Variants in MEOX2 observed in about 807,000 individuals in gnomAD.
MEOX2 encodes the protein mesenchyme homeobox 2.
A neutral mutation model predicts 27.0 loss-of-function variants in MEOX2; 11 were observed. The observed-to-expected ratio is 0.41, with a 90% confidence interval of 0.26 to 0.68. The LOEUF (loss-of-function observed/expected upper bound fraction) is 0.68, where lower values mean the gene tolerates loss of function less well. MEOX2 is among the 30% of genes least tolerant of loss of function. The pLI is 0.33. For synonymous variants in MEOX2, 189 were observed against 155.4 expected, an observed-to-expected ratio of 1.22 and a Z score of -1.61; for missense variants, 436 against 385.4, an observed-to-expected ratio of 1.13 and a Z score of -1.10.
intron 1 of MEOX2, among the ~76,000 whole-genome samples, chr7:15,645,495 C>T (rs1261862547): frequency 6.6e-6 from 1 of 152,080 alleles, no homozygotes; most frequent in Admixed American, 6.6e-5. Context: ...TTCGCCATGA[C>T]TGCAATAATA....
intron 1 of MEOX2, among the ~76,000 whole-genome samples, chr7:15,664,426 G>A (rs1244229785): frequency 6.6e-6 from 1 of 151,854 alleles, no homozygotes; most frequent in African/African-American, 2.4e-5. Flanking sequence ...TTTTGATTGA[G>A]GTAAACAACA....
At chr7:15,635,600 G>C (rs1006533433) in intron 1 of MEOX2, among the ~76,000 whole-genome samples, 1 of 151,918 alleles carries the variant, frequency 6.6e-6, no homozygotes, top group Admixed American at 6.6e-5. Flanking sequence ...TATTAGGAGA[G>C]GACTGTGGTC....
In MEOX2 at chr7:15,612,622, G is replaced by A; in HGVS notation, c.691-11C>T. ...GAACCAGACTTTCACCTTCAACCAA[G>A]AAAGGGAACAAACAAACAGAAAAAA... On this transcript the variant is annotated splice_polypyrimidine_tract_variant and intron_variant, in intron 2 of 2. Coordinates refer to ENST00000262041, the MANE Select transcript of MEOX2 (RefSeq NM_005924.5). 1 of 1,608,868 alleles carries A rather than the reference G, an allele frequency of 6.2e-7. No homozygotes were observed. Among genetic ancestry groups the A allele is most frequent in the Non-Finnish European group, 8.5e-7 (1 of 1,175,454 alleles).
chr7:15,616,222 T>C (rs2115353310), intron 2 of MEOX2, among the ~76,000 whole-genome samples: 1 of 151,948 alleles, frequency 6.6e-6, no homozygotes, highest in African/African-American at 2.4e-5. Context: ...ATTATATATT[T>C]GATACTGAAA....
intron 1 of MEOX2, among the ~76,000 whole-genome samples, chr7:15,665,356 A>C (rs1781984680): frequency 6.6e-6 from 1 of 152,220 alleles, no homozygotes; most frequent in Non-Finnish European, 1.5e-5. Flanking sequence ...AGGAATATTC[A>C]AAGCAAAAAG....
intron 1 of MEOX2, among the ~76,000 whole-genome samples, chr7:15,634,715 T>C (rs1489293909): frequency 6.6e-6 from 1 of 152,006 alleles, no homozygotes; most frequent in African/African-American, 2.4e-5. Context: ...GCATTATTTA[T>C]GTGTAAATAA....
At chr7:15,638,362 G>A (rs1029207983) in intron 1 of MEOX2, among the ~76,000 whole-genome samples, 1 of 151,982 alleles carries the variant, frequency 6.6e-6, no homozygotes, top group African/African-American at 2.4e-5. Context: ...ATTTATGTAC[G>A]TTTGTATGTG....
chr7:15,678,223 A>T (rs1782233557), intron 1 of MEOX2, among the ~76,000 whole-genome samples: 1 of 152,204 alleles, frequency 6.6e-6, no homozygotes, highest in South Asian at 2.1e-4. Flanking sequence ...TAGGTGAGAA[A>T]ATTTTAATTG....
intron 1 of MEOX2, among the ~76,000 whole-genome samples, chr7:15,648,095 G>T (rs982487398): frequency 6.6e-5 from 10 of 151,860 alleles, no homozygotes; most frequent in Admixed American, 1.3e-4. Context: ...CGTCCTTAAT[G>T]ACATATATTT....
At chr7:15,675,202 C>T (rs185509836) in intron 1 of MEOX2, among the ~76,000 whole-genome samples, 3 of 152,214 alleles carry the variant, frequency 2.0e-5, no homozygotes, top group Non-Finnish European at 4.4e-5. Flanking sequence ...TGCACATTGC[C>T]AGCTATTAAA....
intron 1 of MEOX2, among the ~76,000 whole-genome samples, chr7:15,646,478 A>G (rs1008075226): frequency 2.0e-5 from 3 of 152,036 alleles, no homozygotes; most frequent in African/African-American, 7.2e-5. Flanking sequence ...CAAAAGTTCA[A>G]AATTTGAGTT....
At chr7:15,660,318 A>C (rs545062772) in intron 1 of MEOX2, among the ~76,000 whole-genome samples, 1 of 152,216 alleles carries the variant, frequency 6.6e-6, no homozygotes, top group East Asian at 1.9e-4. Context: ...GGCTGTGAGC[A>C]ACAGGGAGTA....
chr7:15,662,207 T>C (rs1457871590), intron 1 of MEOX2, among the ~76,000 whole-genome samples: 1 of 151,862 alleles, frequency 6.6e-6, no homozygotes, highest in Non-Finnish European at 1.5e-5. Context: ...TCAGTCAAAG[T>C]CCATTATCTA....
chr7:15,652,491 ATATC>A (rs1246971759), intron 1 of MEOX2, among the ~76,000 whole-genome samples: 3 of 152,106 alleles, frequency 2.0e-5, no homozygotes, highest in Non-Finnish European at 4.4e-5. Context: ...GGAAAAGAAA[ATATC>A]TAAGAAGAGT....
chr7:15,677,348 A>G (rs6970462), intron 1 of MEOX2: 24,953 of 152,208 alleles, frequency 0.16, 2,595 homozygotes, highest in Non-Finnish European at 0.23. Flanking sequence ...TGGTAGAGAA[A>G]AGTTAAATTT....
chr7:15,669,440 AAT>A (rs2115389608), intron 1 of MEOX2, among the ~76,000 whole-genome samples: 1 of 152,352 alleles, frequency 6.6e-6, no homozygotes, highest in African/African-American at 2.4e-5. Context: ...TTCTAACGTG[AAT>A]ATGTCCAGTA....
intron 2 of MEOX2, among the ~76,000 whole-genome samples, chr7:15,625,761 A>T (rs1583746109): frequency 6.6e-6 from 1 of 152,198 alleles, no homozygotes; most frequent in Non-Finnish European, 1.5e-5. Context: ...AGTAGGCTAG[A>T]TTCTCCTCAG....
chr7:15,630,810 C>T (rs1274470303), intron 1 of MEOX2, among the ~76,000 whole-genome samples: 1 of 151,970 alleles, frequency 6.6e-6, no homozygotes, highest in African/African-American at 2.4e-5. Flanking sequence ...GTAATTTTCA[C>T]ATTTAAAGGG....
intron 1 of MEOX2, among the ~76,000 whole-genome samples, chr7:15,638,001 T>C (rs895023675): frequency 3.9e-5 from 6 of 152,122 alleles, no homozygotes; most frequent in Non-Finnish European, 7.4e-5. Flanking sequence ...CTTTTCTAAG[T>C]CAAATTTATT....
Sources: gnomAD v4.1 joint callset for allele counts (sites outside exome capture counted in the v4.1 genomes callset) on GRCh38, gnomAD v4.1.1 for gene constraint, MANE v1.5 for transcripts, NCBI Gene and HGNC (gene_info 2026-07-23, HGNC 2026-07-21) for gene names.